The following ADARB2 variants were observed in gnomAD, a reference collection of about 807,000 sequenced individuals.
ADARB2 encodes the protein adenosine deaminase RNA specific B2 (inactive).
A neutral mutation model predicts 62.2 loss-of-function variants in ADARB2; 25 were observed. The observed-to-expected ratio is 0.40, with a 90% confidence interval of 0.29 to 0.56. ADARB2 has a LOEUF of 0.56. Among genes scored for constraint, ADARB2 ranks in the 20% least tolerant of loss-of-function variants. ADARB2 has a pLI of 0.43. For missense variants in ADARB2, 1,071 were observed against 1,077.4 expected (o/e 0.99, Z 0.08); for synonymous variants, 572 against 500.8 (o/e 1.14, Z -1.90).
intron 1 of ADARB2, among the ~76,000 whole-genome samples, chr10:1,489,328 C>G (rs1831591192): frequency 6.6e-6 from 1 of 151,092 alleles, no homozygotes; most frequent in African/African-American, 2.4e-5. Context: ...CTGGGAGCTT[C>G]TGCACCGGAT....
At chr10:1,566,081 A>C (rs11592395) in intron 1 of ADARB2, among the ~76,000 whole-genome samples, 53,970 of 136,752 alleles carry the variant, frequency 0.39, 12,861 homozygotes, top group East Asian at 0.64. Flanking sequence ...AAAAAAAAAA[A>C]AAAAAAAAAA....
intron 1 of ADARB2, among the ~76,000 whole-genome samples, chr10:1,517,579 G>T (rs1475343722): frequency 6.6e-6 from 1 of 152,040 alleles, no homozygotes; most frequent in Non-Finnish European, 1.5e-5. Context: ...TTCCTGGTCT[G>T]CCCCCACCAA....
At chr10:1,245,775 A>G (rs7903914) in intron 4 of ADARB2, among the ~76,000 whole-genome samples, 71,283 of 151,126 alleles carry the variant, frequency 0.47, 17,174 homozygotes, top group Non-Finnish European at 0.52. Flanking sequence ...CTTTGCTATC[A>G]TGAATAGTGC....
chr10:1,199,197 C>T (rs201074873), intron 8 of ADARB2, among the ~76,000 whole-genome samples: 2 of 150,662 alleles, frequency 1.3e-5, no homozygotes, highest in East Asian at 1.9e-4. Flanking sequence ...ATGAGGCTGG[C>T]GGTGATTCGG....
chr10:1,480,534 TA>T (rs1424713758), intron 1 of ADARB2, among the ~76,000 whole-genome samples: 6 of 152,062 alleles, frequency 3.9e-5, no homozygotes, highest in Admixed American at 2.6e-4. Flanking sequence ...CCATCTCTAC[TA>T]AAAATACAAA....
chr10:1,480,701 CA>C (rs1330619728), intron 1 of ADARB2, among the ~76,000 whole-genome samples: 219 of 136,368 alleles, frequency 1.6e-3, no homozygotes, highest in Middle Eastern at 3.7e-3. Context: ...GACTCTGTTT[CA>C]AAAAAAAAAA....
chr10:1,701,722 C>T (rs1588358445), intron 1 of ADARB2, among the ~76,000 whole-genome samples: 2 of 75,066 alleles, frequency 2.7e-5, no homozygotes, highest in African/African-American at 4.7e-5. Context: ...CAGGCACTCG[C>T]CAATACACGC....
rs566374629 is a variant in ADARB2, at chr10:1,199,762, C to T, written c.1864+204G>A. ...CCATCACACAATCACGAATTCACAT[C>T]AGGACCTGGCCTATTGCTATATGCA... On this transcript the variant is annotated intron_variant, in intron 8 of 9. Transcript: ENST00000381312. The T allele has an allele frequency of 5.9e-5, 31 of 523,338 alleles. No individual in the cohort carries two copies. The South Asian group carries it at 1.1e-3, about 18-fold the overall frequency. 32.4% of individuals were successfully genotyped at this position (523,338 alleles called of 1,614,324 possible).
At chr10:1,723,774 T>A (rs984581910) in intron 1 of ADARB2, among the ~76,000 whole-genome samples, 1 of 152,130 alleles carries the variant, frequency 6.6e-6, no homozygotes, top group African/African-American at 2.4e-5. Flanking sequence ...ACCACCCTGT[T>A]AGAGGGCACC....
intron 1 of ADARB2, among the ~76,000 whole-genome samples, chr10:1,436,303 C>T (rs1830835528): frequency 6.6e-6 from 1 of 152,156 alleles, no homozygotes; most frequent in Non-Finnish European, 1.5e-5. Context: ...CTAGCAGCTA[C>T]TTTTTAAAAA....
chr10:1,185,480 A>T (rs1158306061), intron 8 of ADARB2, among the ~76,000 whole-genome samples: 1 of 145,498 alleles, frequency 6.9e-6, no homozygotes, highest in South Asian at 2.4e-4. Context: ...TCGGGTTTAC[A>T]GTTTAGCTGA....
chr10:1,568,172 A>G (rs991657900), intron 1 of ADARB2, among the ~76,000 whole-genome samples: 1 of 152,218 alleles, frequency 6.6e-6, no homozygotes, highest in African/African-American at 2.4e-5. Flanking sequence ...CCACTGGGGA[A>G]CCCTTGACAT....
chr10:1,285,537 A>G (rs1218070964), intron 3 of ADARB2, among the ~76,000 whole-genome samples: 3 of 152,212 alleles, frequency 2.0e-5, no homozygotes, highest in African/African-American at 7.2e-5. Context: ...TCGTTACACA[A>G]TAGTGATAAC....
rs551549432 is a variant in ADARB2 at position 1,294,232 on chromosome 10, G to A, written c.1078-23163C>T. Among the ~76,000 whole-genome samples the A allele has an allele frequency of 3.3e-5, 5 of 152,302 alleles. No homozygotes were observed. The East Asian group carries it at 9.7e-4, about 29-fold the overall frequency. Reference sequence around the variant, plus strand: ...GTGGTGGCCACATCTCTCCATCGGGGTGTGCTTGCAGTTCTGTTGGAGAAA... The same window carrying A: ...GTGGTGGCCACATCTCTCCATCGGGATGTGCTTGCAGTTCTGTTGGAGAAA... On this transcript the variant is annotated intron_variant, in intron 3 of 9. Transcript: ENST00000381312.
chr10:1,289,272 A>G (rs1370105599), intron 3 of ADARB2, among the ~76,000 whole-genome samples: 1 of 152,222 alleles, frequency 6.6e-6, no homozygotes, highest in African/African-American at 2.4e-5. Flanking sequence ...ACCAATGTCA[A>G]TCCTACACGT....
At chr10:1,304,393 CAA>C (rs973999452) in intron 3 of ADARB2, among the ~76,000 whole-genome samples, 5 of 148,584 alleles carry the variant, frequency 3.4e-5, no homozygotes, top group African/African-American at 4.9e-5. Flanking sequence ...GAGTGACCTA[CAA>C]AGAGACTTAG....
At chr10:1,401,174 G>C (rs1157112032) in intron 1 of ADARB2, among the ~76,000 whole-genome samples, 1 of 152,188 alleles carries the variant, frequency 6.6e-6, no homozygotes, top group Non-Finnish European at 1.5e-5. Context: ...CCACCTCCCG[G>C]ATGAGAAGGA....
intron 6 of ADARB2, among the ~76,000 whole-genome samples, chr10:1,220,126 GTGAAGATAA>G (rs1357636056): frequency 2.1e-5 from 3 of 140,424 alleles, no homozygotes; most frequent in Non-Finnish European, 4.6e-5. Flanking sequence ...GGTGATGATG[GTGAAGATAA>G]TGATGGCAAT....
chr10:1,226,313 A>T (rs188443913), intron 6 of ADARB2, among the ~76,000 whole-genome samples: 4,148 of 151,714 alleles, frequency 0.027, 177 homozygotes, highest in African/African-American at 0.094. Context: ...CATTCATCTA[A>T]TTTTTTTTCA....
Sources: allele counts gnomAD v4.1 joint callset (sites outside exome capture counted in the v4.1 genomes callset), GRCh38; gene constraint gnomAD v4.1.1; transcripts MANE v1.5; gene names NCBI Gene and HGNC (gene_info 2026-07-23, HGNC 2026-07-21).